Variants in CAMTA1 observed in about 807,000 individuals in gnomAD.
The protein encoded by CAMTA1 is calmodulin binding transcription activator 1.
CAMTA1 carries 27 observed loss-of-function variants against 170.9 expected under a neutral mutation model. The observed-to-expected ratio is 0.16, with a 90% CI of 0.12 to 0.22. The LOEUF is 0.22. Ranked by LOEUF, CAMTA1 falls within the 10% of genes least tolerant of loss-of-function variation. The probability of loss-of-function intolerance (pLI) is 1.00; values close to 1 mark genes in which losing one functional copy is unlikely to be tolerated. For synonymous variants in CAMTA1, 833 were observed against 891.5 expected (o/e 0.93, Z 1.17); for missense variants, 1,619 against 2,217.2 (o/e 0.73, Z 5.42).
chr1:7,544,656 G>A (rs2094665048), intron 6 of CAMTA1, among the ~76,000 whole-genome samples: 1 of 152,206 alleles, frequency 6.6e-6, no homozygotes, highest in Admixed American at 6.5e-5. Flanking sequence ...ACCTGAGGCT[G>A]GGTAATGTAG....
chr1:7,363,527 G>T (rs1449786380), intron 5 of CAMTA1, among the ~76,000 whole-genome samples: 1 of 152,076 alleles, frequency 6.6e-6, no homozygotes, highest in Non-Finnish European at 1.5e-5. Context: ...TGGCTTTCAG[G>T]ATATAGCAGT....
At chr1:7,468,537 G>T (rs549959802) in intron 6 of CAMTA1, among the ~76,000 whole-genome samples, 1 of 152,362 alleles carries the variant, frequency 6.6e-6, no homozygotes, top group African/African-American at 2.4e-5. Context: ...CTGGCCTCTT[G>T]CCCTCTGGGG....
intron 3 of CAMTA1, among the ~76,000 whole-genome samples, chr1:7,048,052 G>A (rs1705692262): frequency 2.0e-5 from 3 of 152,168 alleles, no homozygotes; most frequent in African/African-American, 7.2e-5. Flanking sequence ...GAGAGCAGAG[G>A]AAGCCCTTGG....
intron 3 of CAMTA1, among the ~76,000 whole-genome samples, chr1:7,049,347 TC>T (rs34428521): frequency 0.16 from 24,906 of 152,176 alleles, 2,447 homozygotes; most frequent in Non-Finnish European, 0.23. Flanking sequence ...CTCACCTGTC[TC>T]CCACCTTCAC....
intron 11 of CAMTA1, among the ~76,000 whole-genome samples, chr1:7,690,960 C>T (rs968860378): frequency 5.3e-5 from 8 of 152,192 alleles, no homozygotes; most frequent in African/African-American, 1.9e-4. Context: ...GTGGAGTACC[C>T]GTTAGGTGCC....
rs563335485 is a variant in CAMTA1 at position 7,667,738 on chromosome 1, G to A, written c.2652+2539G>A. Among the ~76,000 whole-genome samples, 15 of 151,342 alleles carry A rather than the reference G, an allele frequency of 9.9e-5. No individual in the cohort carries two copies. The South Asian group carries it at 2.3e-3, about 23-fold the overall frequency. On this transcript the variant is annotated intron_variant, in intron 9 of 22. Coordinates refer to ENST00000303635, the MANE Select transcript of CAMTA1 (RefSeq NM_015215.4). The stretch of plus-strand genomic sequence containing the variant: ...ACGAGGGCGGCCCAGGAACAGGAAC[G>A]CAATGGCAGCCTGGCAGCCTGGCAG...
intron 6 of CAMTA1, among the ~76,000 whole-genome samples, chr1:7,590,072 C>G (rs1000100713): frequency 2.0e-5 from 3 of 152,184 alleles, no homozygotes; most frequent in African/African-American, 7.2e-5. Flanking sequence ...GAGTTTGGAT[C>G]CTTTTCCTGG....
intron 11 of CAMTA1, among the ~76,000 whole-genome samples, chr1:7,702,232 G>A (rs1212268176): frequency 1.3e-5 from 2 of 152,136 alleles, no homozygotes; most frequent in Non-Finnish European, 2.9e-5. Context: ...CACCTGCTCG[G>A]CAGAGGTGGG....
intron 1 of CAMTA1, among the ~76,000 whole-genome samples, chr1:6,796,754 C>CAGT (rs1642624402): frequency 6.6e-6 from 1 of 152,114 alleles, no homozygotes. Flanking sequence ...TCACTGCTTG[C>CAGT]AGTTCAGTAC....
chr1:7,502,192 C>G (rs956601340), intron 6 of CAMTA1, among the ~76,000 whole-genome samples: 1 of 152,234 alleles, frequency 6.6e-6, no homozygotes, highest in Non-Finnish European at 1.5e-5. Context: ...GTCTCCACCC[C>G]ACTCTCCCCT....
At chr1:7,346,360 G>A (rs139977827) in intron 5 of CAMTA1, among the ~76,000 whole-genome samples, 3 of 152,264 alleles carry the variant, frequency 2.0e-5, no homozygotes, top group East Asian at 3.9e-4. Context: ...TCCTCTTTCT[G>A]ATTGTCTCTG....
intron 3 of CAMTA1, among the ~76,000 whole-genome samples, chr1:6,951,082 A>G (rs1436384927): frequency 1.3e-5 from 2 of 152,156 alleles, no homozygotes; most frequent in East Asian, 1.9e-4. Flanking sequence ...CAACCTTTCT[A>G]TAGCTGATTT....
chr1:7,134,467 A>C (rs2148562471), intron 4 of CAMTA1, among the ~76,000 whole-genome samples: 1 of 149,934 alleles, frequency 6.7e-6, no homozygotes, highest in East Asian at 1.9e-4. Flanking sequence ...CTAATTAAAC[A>C]AATTATTATT....
Position 7,325,674 on chromosome 1 carries a change from G to A in CAMTA1, c.438+76048G>A, listed in dbSNP as rs1260691532. The stretch of plus-strand genomic sequence containing the variant: ...TTTGTCTTGAGCACCTAGAAGAATA[G>A]AGTGGGCAGTAACTGAGATGAGGAA... On this transcript the variant is annotated intron_variant, in intron 5 of 22. Coordinates refer to ENST00000303635, the MANE Select transcript of CAMTA1 (RefSeq NM_015215.4). The surrounding 1 kb of genome is among the most constrained non-coding windows in gnomAD (Gnocchi z 5.0). Among the ~76,000 whole-genome samples, 1 of 152,198 alleles carries A rather than the reference G, an allele frequency of 6.6e-6. No individual in the cohort carries two copies. The highest frequency in any genetic ancestry group is 2.4e-5 in the African/African-American group (1 of 41,450).
rs146648149 is a variant in CAMTA1 at position 7,663,324 on chromosome 1, G to A, written c.806-29G>A. 2,094 of 1,515,642 alleles carry A rather than the reference G, an allele frequency of 1.4e-3. 41 individuals are homozygous for A. The South Asian group carries it at 0.02, about 14-fold the overall frequency. 93.9% of individuals were successfully genotyped at this position (1,515,642 alleles called of 1,614,324 possible). A position where few individuals can be genotyped will look rare whatever the true frequency, so the allele number is the denominator to read the frequency against. On this transcript the variant is annotated intron_variant, in intron 8 of 22. Coordinates refer to ENST00000303635, the MANE Select transcript of CAMTA1 (RefSeq NM_015215.4). ...TGTGCACATGTGTGCCTGCGTGTGC[G>A]TGCGCGTGTTGTGTTCCGATCTCCG...
At chr1:7,376,462 G>C (rs926826788) in intron 5 of CAMTA1, among the ~76,000 whole-genome samples, 2 of 152,160 alleles carry the variant, frequency 1.3e-5, no homozygotes, top group Admixed American at 6.5e-5. Flanking sequence ...GGAGACCCTG[G>C]CCCAATTCCC....
chr1:7,518,650 G>T (rs1382859706), intron 6 of CAMTA1, among the ~76,000 whole-genome samples: 2 of 152,018 alleles, frequency 1.3e-5, no homozygotes, highest in Non-Finnish European at 2.9e-5. Context: ...TCCAGGAGAA[G>T]GGCCGGGCTG....
intron 5 of CAMTA1, among the ~76,000 whole-genome samples, chr1:7,315,165 C>T (rs1677302506): frequency 6.6e-6 from 1 of 152,330 alleles, no homozygotes; most frequent in South Asian, 2.1e-4. Flanking sequence ...TGCAGAGCAT[C>T]ACTTGGACCA....
intron 3 of CAMTA1, among the ~76,000 whole-genome samples, chr1:6,948,809 C>T (rs562937068): frequency 6.6e-6 from 1 of 152,142 alleles, no homozygotes; most frequent in African/African-American, 2.4e-5. Flanking sequence ...AGGCATTTGA[C>T]CCCCAAATTC....
Sources: gnomAD v4.1 joint callset for allele counts (sites outside exome capture counted in the v4.1 genomes callset) on GRCh38, gnomAD v4.1.1 for gene constraint, Gnocchi (gnomAD v3.1) non-coding constraint, MANE v1.5 for transcripts, NCBI Gene and HGNC (gene_info 2026-07-23, HGNC 2026-07-21) for gene names.